The following GRIK2 variants were observed in gnomAD, a reference collection of about 807,000 sequenced individuals.
GRIK2 encodes glutamate receptor ionotropic, kainate 2.
Under a neutral mutation model 100.3 loss-of-function variants are expected in GRIK2, and 32 were observed. That is an observed-to-expected ratio of 0.32 (90% confidence interval 0.24 to 0.43). The LOEUF (loss-of-function observed/expected upper bound fraction) is 0.43, where lower values mean the gene tolerates loss of function less well. Ranked by LOEUF, GRIK2 falls within the 20% of genes least tolerant of loss-of-function variation. GRIK2 has a pLI of 1.00. For synonymous variants in GRIK2, 417 were observed against 389.4 expected (o/e 1.07, Z -0.83); for missense variants, 843 against 1,114.9 (o/e 0.76, Z 3.47).
At chr6:101,747,207 A>C (rs942843358) in intron 7 of GRIK2, among the ~76,000 whole-genome samples, 2 of 152,192 alleles carry the variant, frequency 1.3e-5, no homozygotes, top group African/African-American at 4.8e-5. Context: ...TGGGAGGAAG[A>C]ATTTTAACAC....
At position 101,898,668 on chromosome 6, in the gene GRIK2, C is replaced by T. The variant is rs140563131; in HGVS notation, c.1748+8805C>T. The stretch of plus-strand genomic sequence containing the variant: ...CTTTTTCCCTGAAAATTATTAGCTA[C>T]GTGTTATAAAGCTAGTCTCTGGAAA... On this transcript the variant is annotated intron_variant, in intron 12 of 16. Coordinates refer to ENST00000369134, the MANE Select transcript of GRIK2 (RefSeq NM_021956.5). Among the ~76,000 whole-genome samples, 1,212 of 151,458 alleles carry T rather than the reference C, an allele frequency of 8.0e-3. 20 individuals are homozygous for T. The highest frequency in any genetic ancestry group is 0.028 in the African/African-American group (1,145 of 41,388).
intron 2 of GRIK2, among the ~76,000 whole-genome samples, chr6:101,473,941 A>G: frequency 6.6e-6 from 1 of 151,826 alleles, no homozygotes. Flanking sequence ...GCATACTCTC[A>G]CTGTTATATG....
chr6:101,451,140 C>T (rs150782868), intron 2 of GRIK2, among the ~76,000 whole-genome samples: 17 of 151,716 alleles, frequency 1.1e-4, no homozygotes, highest in Non-Finnish European at 2.1e-4. Context: ...TCTCAAACTC[C>T]TTATCCTGCG....
intron 2 of GRIK2, among the ~76,000 whole-genome samples, chr6:101,565,933 GTGTA>G (rs1562230312): frequency 1.6e-5 from 1 of 62,766 alleles, no homozygotes; most frequent in African/African-American, 5.1e-5. Flanking sequence ...ATATATATAT[GTGTA>G]TATATATATA....
At chr6:101,773,126 A>G (rs1020510620) in intron 7 of GRIK2, among the ~76,000 whole-genome samples, 1 of 152,206 alleles carries the variant, frequency 6.6e-6, no homozygotes, top group African/African-American at 2.4e-5. Flanking sequence ...CCTCATGGCA[A>G]TAAAACAATA....
intron 11 of GRIK2, among the ~76,000 whole-genome samples, chr6:101,874,042 AG>A (rs1375709079): frequency 6.6e-6 from 1 of 152,094 alleles, no homozygotes; most frequent in African/African-American, 2.4e-5. Context: ...CCCATTCTGA[AG>A]GTTGCCTGTT....
At chr6:101,477,696 A>G (rs1163082447) in intron 2 of GRIK2, among the ~76,000 whole-genome samples, 1 of 152,226 alleles carries the variant, frequency 6.6e-6, no homozygotes, top group Non-Finnish European at 1.5e-5. Context: ...GCTGAAGCAC[A>G]GGGATAAGGT....
intron 2 of GRIK2, among the ~76,000 whole-genome samples, chr6:101,606,627 T>C (rs1268321869): frequency 6.6e-6 from 1 of 152,048 alleles, no homozygotes; most frequent in Non-Finnish European, 1.5e-5. Flanking sequence ...CACCTCCTTG[T>C]TAAGCACTTA....
chr6:101,882,368 CAATT>C (rs1311695886), intron 11 of GRIK2, among the ~76,000 whole-genome samples: 1 of 152,030 alleles, frequency 6.6e-6, no homozygotes, highest in East Asian at 1.9e-4. Context: ...TAAACTAAAA[CAATT>C]AATATCCTCC....
At chr6:101,772,340 G>T (rs1321134782) in intron 7 of GRIK2, among the ~76,000 whole-genome samples, 2 of 152,206 alleles carry the variant, frequency 1.3e-5, no homozygotes, top group African/African-American at 4.8e-5. Context: ...GGAGCTAGGA[G>T]ATTAAAGCAG....
intron 14 of GRIK2, among the ~76,000 whole-genome samples, chr6:101,985,911 A>C (rs1793992449): frequency 6.6e-6 from 1 of 151,848 alleles, no homozygotes; most frequent in African/African-American, 2.4e-5. Context: ...AAATTATGCC[A>C]TATACCTTTC....
chr6:101,424,171 TA>T (rs1776567288), intron 2 of GRIK2, among the ~76,000 whole-genome samples: 1 of 151,298 alleles, frequency 6.6e-6, no homozygotes, highest in Non-Finnish European at 1.5e-5. Flanking sequence ...GAATTTTTTT[TA>T]TTTTTTTTTA....
intron 14 of GRIK2, among the ~76,000 whole-genome samples, chr6:102,004,408 G>A (rs1795105339): frequency 6.6e-6 from 1 of 150,846 alleles, no homozygotes; most frequent in East Asian, 1.9e-4. Context: ...TAGAGAGTGA[G>A]GTAGGGGATG....
intron 10 of GRIK2, among the ~76,000 whole-genome samples, chr6:101,854,122 T>C (rs1439804033): frequency 6.6e-6 from 1 of 152,182 alleles, no homozygotes; most frequent in Non-Finnish European, 1.5e-5. Flanking sequence ...TCGTCTGTTG[T>C]GAACATGTAC....
At chr6:101,433,063 T>C (rs769218957) in intron 2 of GRIK2, among the ~76,000 whole-genome samples, 2 of 152,186 alleles carry the variant, frequency 1.3e-5, no homozygotes, top group Non-Finnish European at 2.9e-5. Flanking sequence ...TATTGGCCTC[T>C]CATGGCACCT....
chr6:101,956,754 GTGTGTGTATATA>G (rs1430004908), intron 14 of GRIK2, among the ~76,000 whole-genome samples: 1 of 148,658 alleles, frequency 6.7e-6, no homozygotes, highest in Non-Finnish European at 1.5e-5. Context: ...TGGGGTGTAT[GTGTGTGTATATA>G]TGTGTGTATA....
chr6:101,509,240 C>T (rs900812420), intron 2 of GRIK2, among the ~76,000 whole-genome samples: 9 of 151,656 alleles, frequency 5.9e-5, no homozygotes, highest in South Asian at 2.1e-4. Flanking sequence ...TACACAGACA[C>T]CTTACCAACT....
At chr6:101,944,867 CTT>C (rs898323452) in intron 14 of GRIK2, among the ~76,000 whole-genome samples, 56 of 152,040 alleles carry the variant, frequency 3.7e-4, no homozygotes, top group African/African-American at 1.2e-3. Context: ...AATTTAAAAA[CTT>C]TGTTTTGAGA....
chr6:101,495,812 T>A (rs1773412786), intron 2 of GRIK2, among the ~76,000 whole-genome samples: 1 of 152,198 alleles, frequency 6.6e-6, no homozygotes, highest in Non-Finnish European at 1.5e-5. Context: ...CACACCTTTT[T>A]TTTTTTAACA....
Sources: allele counts gnomAD v4.1 joint callset (sites outside exome capture counted in the v4.1 genomes callset), GRCh38; gene constraint gnomAD v4.1.1; transcripts MANE v1.5; gene names NCBI Gene and HGNC (gene_info 2026-07-23, HGNC 2026-07-21).